KIF3C: variants seen among roughly 807,000 people sequenced by gnomAD.
KIF3C encodes the protein kinesin-like protein KIF3C.
In KIF3C, 12 loss-of-function variants were observed where a neutral mutation model predicts 67.7. The observed-to-expected ratio is 0.18, with a 90% CI of 0.11 to 0.29. KIF3C has a LOEUF of 0.29. KIF3C is among the 10% of genes least tolerant of loss of function. The pLI is 1.00. For missense variants in KIF3C, 789 were observed against 1,059.6 expected, an observed-to-expected ratio of 0.74 and a Z score of 3.55; for synonymous variants, 393 against 426.2, an observed-to-expected ratio of 0.92 and a Z score of 0.96.
intron 5 of KIF3C, among the ~76,000 whole-genome samples, chr2:25,931,650 T>G (rs1260027828): frequency 6.6e-6 from 1 of 150,892 alleles, no homozygotes; most frequent in Non-Finnish European, 1.5e-5. Flanking sequence ...TTTATATACT[T>G]TTTTTTTTTC....
intron 5 of KIF3C, among the ~76,000 whole-genome samples, chr2:25,943,587 T>A (rs1663349304): frequency 6.6e-6 from 1 of 152,214 alleles, no homozygotes; most frequent in Admixed American, 6.5e-5. Flanking sequence ...CTCACGCCTG[T>A]AATACTAGCA....
chr2:25,963,674 TTATTA>T (rs1559555839), intron 1 of KIF3C, among the ~76,000 whole-genome samples: 20 of 143,188 alleles, frequency 1.4e-4, no homozygotes, highest in African/African-American at 3.3e-4. Flanking sequence ...AGTATTATTA[TTATTA>T]TTATTATTAT....
In KIF3C at chr2:25,929,493, C is replaced by T. The variant is rs1259397374; in HGVS notation, c.2116-16G>A. 1.2e-6 allele frequency: 2 copies of T among 1,612,608 alleles called. No homozygotes were observed. Among genetic ancestry groups the T allele is most frequent in the African/African-American group, 1.3e-5 (1 of 75,044 alleles). On this transcript the variant is annotated splice_polypyrimidine_tract_variant and intron_variant, in intron 6 of 7. Transcript: ENST00000264712. ...TGTTTTCAGCCTGTGGTGGGAATAT[C>T]ATGCCAGGCTTGAACAGTGCCCAGT...
chr2:25,928,547 A>G lies in KIF3C; in HGVS notation c.*431T>C. ...AGTCTCCCAGTCCCAGAAAGTGCTC[A>G]GGGGCTGCTCGCCATCAGTGTGGGA... On this transcript the variant is annotated 3_prime_UTR_variant, in exon 8 of 8. Coordinates refer to ENST00000264712, the MANE Select transcript of KIF3C (RefSeq NM_002254.8). The G allele has an allele frequency of 6.3e-6, 1 of 157,518 alleles. No homozygotes were observed. The highest frequency in any genetic ancestry group is 6.2e-5 in the Admixed American group (1 of 16,196). The allele number at this position is 157,518 out of a possible 1,614,324, so 9.8% of individuals were successfully genotyped here. A position where few individuals can be genotyped will look rare whatever the true frequency, so the allele number is the denominator to read the frequency against.
chr2:25,938,186 A>G (rs907808647), intron 5 of KIF3C: 2 of 397,706 alleles, frequency 5.0e-6, no homozygotes, highest in African/African-American at 4.2e-5. Context: ...AATTTGGTAA[A>G]ACCCCCTCTC....
chr2:25,970,650 A>C (rs563495666), intron 1 of KIF3C, among the ~76,000 whole-genome samples: 40 of 147,598 alleles, frequency 2.7e-4, no homozygotes, highest in Admixed American at 2.6e-3. Flanking sequence ...CTGGGAAACA[A>C]GAGTGAAACT....
rs1197745676 is a variant in KIF3C at position 25,981,978 on chromosome 2, T to C, written c.-61A>G. ...CGCAGCCTGGGCGGTCCTGCTATCC[T>C]GCTCGCTAGGTCGGGATCAGCGGGG... is the stretch of plus-strand genomic sequence containing the variant. On this transcript the variant is annotated 5_prime_UTR_variant, in exon 1 of 8. Transcript: ENST00000264712. This position sits in a 1 kb window ranked among gnomAD's most constrained non-coding sequence, Gnocchi z 8.2. 2 of 1,375,260 alleles carry C rather than the reference T, an allele frequency of 1.5e-6. No homozygotes were observed. The highest frequency in any genetic ancestry group is 2.5e-5 in the Admixed American group (1 of 40,460). The allele number at this position is 1,375,260 out of a possible 1,614,324, so 85.2% of individuals were successfully genotyped here.
intron 4 of KIF3C, among the ~76,000 whole-genome samples, chr2:25,952,295 C>T (rs191608567): frequency 1.3e-3 from 187 of 148,794 alleles, no homozygotes; most frequent in African/African-American, 4.4e-3. Context: ...AGTGAGACTC[C>T]GTCTCAAAAA....
chr2:25,940,341 C>A (rs1055702132), intron 5 of KIF3C, among the ~76,000 whole-genome samples: 1 of 151,988 alleles, frequency 6.6e-6, no homozygotes, highest in African/African-American at 2.4e-5. Flanking sequence ...GAGGCTGAGG[C>A]GGGTGGATAA....
Position 25,980,868 on chromosome 2 carries a change from A to G in KIF3C, c.1050T>C (p.Asp350=), listed in dbSNP as rs1664557131. The G allele has an allele frequency of 1.2e-6, 2 of 1,614,104 alleles. No individual in the cohort carries two copies. The highest frequency in any genetic ancestry group is 1.7e-6 in the Non-Finnish European group (2 of 1,180,022). The change falls in exon 1 of 8, where the codon GAT becomes GAC. Residue 350 remains aspartate, a synonymous_variant. Transcript: ENST00000264712. This position sits in a 1 kb window ranked among gnomAD's most constrained non-coding sequence, Gnocchi z 7.6. ...CAAAGCGCAAGGTGGAGAGGCTCTC[A>G]TCGTAGCTGTGAGAAGCTGGCCCCA... ...ATLGPASHSY[D]ESLSTLRFAN...
Position 25,956,358 on chromosome 2 carries a change from C to T in KIF3C, c.1632G>A (p.Gln544=). ...GAGGCCCTACCTGCTCGGCAATCTC[C>T]TGCCTCTTCAGTTCCAACATCTTCT... ...EQQKMLELKR[Q]EIAEQKRRER... The change falls in exon 2 of 8, where the codon CAG becomes CAA. Residue 544 remains glutamine (Q), a synonymous_variant. Transcript: ENST00000264712. 1 of 1,614,106 alleles carries T rather than the reference C, an allele frequency of 6.2e-7. No homozygotes were observed.
intron 1 of KIF3C, among the ~76,000 whole-genome samples, chr2:25,962,796 T>C (rs547622714): frequency 3.8e-5 from 3 of 78,750 alleles, no homozygotes; most frequent in Non-Finnish European, 6.9e-5. Flanking sequence ...ATAATATATA[T>C]TATATAATAT....
chr2:25,945,265 A>C (rs1663400958), intron 5 of KIF3C, among the ~76,000 whole-genome samples: 1 of 152,212 alleles, frequency 6.6e-6, no homozygotes, highest in South Asian at 2.1e-4. Flanking sequence ...AGTGTGTGTT[A>C]GGACTAATTC....
intron 5 of KIF3C, among the ~76,000 whole-genome samples, chr2:25,936,902 A>G (rs945274557): frequency 6.6e-6 from 1 of 152,228 alleles, no homozygotes; most frequent in African/African-American, 2.4e-5. Flanking sequence ...TAAAAAAATA[A>G]AAGAACACAG....
chr2:25,954,242 G>A (rs1483049980), intron 4 of KIF3C, 25 bp downstream of exon 4: 2 of 1,556,190 alleles, frequency 1.3e-6, no homozygotes, highest in East Asian at 2.2e-5. Flanking sequence ...TGGGGACCCG[G>A]GATGAAAAGA....
intron 5 of KIF3C, chr2:25,938,114 A>G (rs1330361778): frequency 7.4e-6 from 2 of 268,484 alleles, no homozygotes; most frequent in Non-Finnish European, 1.5e-5. Flanking sequence ...TGTAATCCCA[A>G]CACTTTAGGA....
intron 1 of KIF3C, among the ~76,000 whole-genome samples, chr2:25,972,272 T>C (rs574571996): frequency 2.0e-5 from 3 of 152,206 alleles, no homozygotes; most frequent in Non-Finnish European, 4.4e-5. Context: ...AGCCAACACA[T>C]AGCACGAGAA....
chr2:25,958,529 C>T lies in KIF3C; in HGVS notation c.1546-2085G>A, dbSNP rs1020343576. Among the ~76,000 whole-genome samples the T allele has an allele frequency of 1.3e-5, 2 of 151,874 alleles. No homozygotes were observed. Among genetic ancestry groups the T allele is most frequent in the African/African-American group, 2.4e-5 (1 of 41,314 alleles). On this transcript the variant is annotated intron_variant, in intron 1 of 7. Coordinates refer to ENST00000264712, the MANE Select transcript of KIF3C (RefSeq NM_002254.8). The surrounding 1 kb of genome is among the most constrained non-coding windows in gnomAD (Gnocchi z 4.5). Reference sequence around the variant, plus strand: ...TAGGGAGGCAGAGGCTGCAGTGAGCCGAGATCACGCCACTGCACTCCAGCC... The same window carrying T: ...TAGGGAGGCAGAGGCTGCAGTGAGCTGAGATCACGCCACTGCACTCCAGCC...
chr2:25,981,249 A>C lies in KIF3C; in HGVS notation c.669T>G (p.Thr223=), dbSNP rs754304190. Residue 223 remains threonine (T), a synonymous_variant, in exon 1 of 8, where the codon ACT becomes ACG. Transcript: ENST00000264712. This position sits in a 1 kb window ranked among gnomAD's most constrained non-coding sequence, Gnocchi z 8.2. ...SSRSHAIFII[T]VECSERGSDG... ...CAGAGCCACGTTCGCTGCACTCCAC[A>C]GTGATGATGAAGATGGCATGGGAGC... 2 of 1,614,150 alleles carry C rather than the reference A, an allele frequency of 1.2e-6. No homozygotes were observed. The highest frequency in any genetic ancestry group is 2.2e-5 in the South Asian group (2 of 91,088).
Sources: gnomAD v4.1 joint callset for allele counts (sites outside exome capture counted in the v4.1 genomes callset) on GRCh38, gnomAD v4.1.1 for gene constraint, Gnocchi (gnomAD v3.1) non-coding constraint, MANE v1.5 for transcripts, NCBI Gene and HGNC (gene_info 2026-07-23, HGNC 2026-07-21) for gene names.